The following UST variants were observed in gnomAD, a reference collection of about 807,000 sequenced individuals.
UST encodes the protein chondroitin sulfate 2-O-sulfotransferase.
A neutral mutation model predicts 45.6 loss-of-function variants in UST; 21 were observed. The observed-to-expected ratio is 0.46, with a 90% CI of 0.33 to 0.66. The LOEUF (loss-of-function observed/expected upper bound fraction) is 0.66, where lower values mean the gene tolerates loss of function less well. UST is among the 30% of genes least tolerant of loss of function. The probability of loss-of-function intolerance (pLI) is 0.02; values close to 1 mark genes in which losing one functional copy is unlikely to be tolerated. For synonymous variants in UST, 215 were observed against 200.6 expected (o/e 1.07, Z -0.61); for missense variants, 463 against 512.4 (o/e 0.90, Z 0.93).
At chr6:149,021,623 A>G (rs1008430100) in intron 7 of UST, 142 bp downstream of exon 7, 6 of 1,009,458 alleles carry the variant, frequency 5.9e-6, no homozygotes, top group Non-Finnish European at 8.5e-6. Context: ...CTTGCAAAGG[A>G]AAGTTAGAAC....
At chr6:149,026,757 A>G (rs1776056174) in intron 7 of UST, among the ~76,000 whole-genome samples, 1 of 152,220 alleles carries the variant, frequency 6.6e-6, no homozygotes. Context: ...TTGAAAACTC[A>G]TGTGTCCAAT....
chr6:148,837,456 A>C (rs1333024077), intron 1 of UST, among the ~76,000 whole-genome samples: 1 of 152,220 alleles, frequency 6.6e-6, no homozygotes, highest in Non-Finnish European at 1.5e-5. Context: ...GAGATGGGAG[A>C]GATGTCAGGC....
intron 7 of UST, among the ~76,000 whole-genome samples, chr6:149,046,403 G>C (rs1483685644): frequency 6.6e-6 from 1 of 152,210 alleles, no homozygotes; most frequent in East Asian, 1.9e-4. Flanking sequence ...GCTTGTTCTG[G>C]ATCATCTGCT....
At chr6:148,805,723 C>G (rs750141379) in intron 1 of UST, among the ~76,000 whole-genome samples, 1 of 152,172 alleles carries the variant, frequency 6.6e-6, no homozygotes, top group Non-Finnish European at 1.5e-5. Context: ...TTTCATAGTC[C>G]TTCAGATCAT....
intron 2 of UST, among the ~76,000 whole-genome samples, chr6:148,933,113 T>A (rs1779953081): frequency 6.6e-6 from 1 of 152,190 alleles, no homozygotes; most frequent in Non-Finnish European, 1.5e-5. Context: ...TCAACATACT[T>A]TTTCTTCTGT....
chr6:148,773,366 C>T (rs1048919466), intron 1 of UST, among the ~76,000 whole-genome samples: 3 of 151,670 alleles, frequency 2.0e-5, no homozygotes, highest in Non-Finnish European at 4.4e-5. Flanking sequence ...GAGGCTGAGG[C>T]AGGAGAATCG....
intron 1 of UST, among the ~76,000 whole-genome samples, chr6:148,821,298 TA>T (rs1777462217): frequency 6.6e-6 from 1 of 151,948 alleles, no homozygotes; most frequent in Non-Finnish European, 1.5e-5. Flanking sequence ...TCTAATCCAA[TA>T]ACGTTGTAGA....
At chr6:148,887,063 T>C (rs1457043247) in intron 2 of UST, 34 bp downstream of exon 2, 1 of 1,564,878 alleles carries the variant, frequency 6.4e-7, no homozygotes, top group South Asian at 1.1e-5. Context: ...AGTCCCCTTT[T>C]TCTTTTATCT....
In UST at chr6:149,033,089, G is replaced by A. The variant is rs529444734; in HGVS notation, c.937+11608G>A. Among the ~76,000 whole-genome samples the A allele has an allele frequency of 5.9e-5, 9 of 152,330 alleles. No individual in the cohort carries two copies. The East Asian group carries it at 1.5e-3, about 26-fold the overall frequency. ...AAAGATTGGAAACTTGACCCCAGGG[G>A]TTGATGGTTGATCTTTATAAAAACG... On this transcript the variant is annotated intron_variant, in intron 7 of 7. Transcript: ENST00000367463.
intron 2 of UST, among the ~76,000 whole-genome samples, chr6:148,907,721 G>C (rs1245409978): frequency 1.3e-5 from 2 of 152,062 alleles, no homozygotes; most frequent in East Asian, 3.9e-4. Context: ...AGAACATTCT[G>C]CAACTCTGCA....
chr6:148,775,646 G>A (rs554806044), intron 1 of UST, among the ~76,000 whole-genome samples: 63 of 145,410 alleles, frequency 4.3e-4, no homozygotes, highest in African/African-American at 1.5e-3. Flanking sequence ...TTTTGGGGCG[G>A]GGAGAGAGTC....
intron 5 of UST, chr6:148,990,556 G>A (rs543498554): frequency 2.1e-4 from 81 of 394,586 alleles, no homozygotes; most frequent in African/African-American, 1.5e-3. Flanking sequence ...CTTAGCCCAC[G>A]AAAGCTTTAC....
chr6:148,869,573 A>G (rs116131666), intron 1 of UST, among the ~76,000 whole-genome samples: 2,247 of 152,338 alleles, frequency 0.015, 50 homozygotes, highest in African/African-American at 0.051. Context: ...ATAGGAAAGC[A>G]TAATCCCAGA....
intron 2 of UST, among the ~76,000 whole-genome samples, chr6:148,896,685 A>G (rs1779137832): frequency 6.6e-6 from 1 of 152,228 alleles, no homozygotes; most frequent in East Asian, 1.9e-4. Flanking sequence ...TGAGACTAAT[A>G]AAATATATAT....
chr6:148,892,236 C>T (rs531534373), intron 2 of UST, among the ~76,000 whole-genome samples: 64 of 152,252 alleles, frequency 4.2e-4, no homozygotes, highest in African/African-American at 1.5e-3. Context: ...TCAGTGCCGT[C>T]GTGTGATGGC....
At chr6:148,963,132 C>T (rs919785364) in intron 4 of UST, among the ~76,000 whole-genome samples, 1 of 152,174 alleles carries the variant, frequency 6.6e-6, no homozygotes, top group Non-Finnish European at 1.5e-5. Context: ...GAGGCATGGA[C>T]CCTGGGTTGG....
intron 1 of UST, among the ~76,000 whole-genome samples, chr6:148,797,653 G>A (rs904760249): frequency 6.6e-6 from 1 of 152,200 alleles, no homozygotes; most frequent in African/African-American, 2.4e-5. Flanking sequence ...TGTTGTGGGA[G>A]CGTAGAGGGG....
At chr6:148,788,767 C>A (rs895178239) in intron 1 of UST, among the ~76,000 whole-genome samples, 4 of 152,160 alleles carry the variant, frequency 2.6e-5, no homozygotes, top group African/African-American at 9.6e-5. Flanking sequence ...TCAAATCTTA[C>A]TCCTTTATTA....
At chr6:148,921,121 G>T (rs1407475451) in intron 2 of UST, among the ~76,000 whole-genome samples, 2 of 152,234 alleles carry the variant, frequency 1.3e-5, no homozygotes, top group African/African-American at 4.8e-5. Flanking sequence ...AACAAGGAAG[G>T]TTTAAATAAC....
Sources: gnomAD v4.1 joint callset for allele counts (sites outside exome capture counted in the v4.1 genomes callset) on GRCh38, gnomAD v4.1.1 for gene constraint, MANE v1.5 for transcripts, NCBI Gene and HGNC (gene_info 2026-07-23, HGNC 2026-07-21) for gene names.